PDE8B: variants seen among roughly 807,000 people sequenced by gnomAD.
PDE8B encodes phosphodiesterase 8B.
A neutral mutation model predicts 101.3 loss-of-function variants in PDE8B; 26 were observed. That is an observed-to-expected ratio of 0.26 (90% CI 0.19 to 0.36). The LOEUF is 0.36. Ranked by LOEUF, PDE8B falls within the 10% of genes least tolerant of loss-of-function variation. The probability of loss-of-function intolerance (pLI) is 1.00; values close to 1 mark genes in which losing one functional copy is unlikely to be tolerated. For synonymous variants in PDE8B, 424 were observed against 429.3 expected, an observed-to-expected ratio of 0.99 and a Z score of 0.15; for missense variants, 810 against 1,163.1, an observed-to-expected ratio of 0.70 and a Z score of 4.42.
chr5:77,131,736 G>A, the PDE8B span, among the ~76,000 whole-genome samples: 1 of 152,074 alleles, frequency 6.6e-6, no homozygotes, highest in Admixed American at 6.5e-5. Context: ...TCACATAAGG[G>A]GAAATATGAT....
chr5:77,116,918 C>T, the PDE8B span, among the ~76,000 whole-genome samples: 1 of 152,194 alleles, frequency 6.6e-6, no homozygotes, highest in Non-Finnish European at 1.5e-5. Flanking sequence ...AAAAGCATTT[C>T]TTCTCTCACC....
chr5:77,229,002 C>T (rs903305335), intron 1 of PDE8B, among the ~76,000 whole-genome samples: 4 of 151,914 alleles, frequency 2.6e-5, no homozygotes, highest in Admixed American at 2.6e-4. Context: ...CAGGTTTTGG[C>T]AGAACATTCT....
At chr5:77,312,828 T>C (rs1025727467) in intron 2 of PDE8B, among the ~76,000 whole-genome samples, 4 of 152,204 alleles carry the variant, frequency 2.6e-5, no homozygotes, top group African/African-American at 9.7e-5. Flanking sequence ...CTACATCTTC[T>C]ATGTGACTTA....
intron 11 of PDE8B, among the ~76,000 whole-genome samples, chr5:77,402,283 A>T (rs2151016652): frequency 6.6e-6 from 1 of 152,052 alleles, no homozygotes; most frequent in East Asian, 1.9e-4. Context: ...AGAAACTTAT[A>T]TGCAAGGATA....
intron 6 of PDE8B, among the ~76,000 whole-genome samples, chr5:77,338,617 C>G (rs1390689355): frequency 6.6e-6 from 1 of 152,100 alleles, no homozygotes; most frequent in Non-Finnish European, 1.5e-5. Flanking sequence ...TCTAGAAACC[C>G]ATGTTGCCTG....
intron 1 of PDE8B, among the ~76,000 whole-genome samples, chr5:77,251,521 T>C (rs1312352856): frequency 6.6e-6 from 1 of 152,238 alleles, no homozygotes; most frequent in African/African-American, 2.4e-5. Flanking sequence ...GCCCAATTGC[T>C]TGGGAATTGT....
the PDE8B span, among the ~76,000 whole-genome samples, chr5:77,160,293 C>T: frequency 1.3e-5 from 2 of 152,100 alleles, no homozygotes; most frequent in African/African-American, 4.8e-5. Context: ...TCTCAGCATG[C>T]ATTGGGGATT....
At chr5:77,125,721 A>T in the PDE8B span, among the ~76,000 whole-genome samples, 1 of 152,212 alleles carries the variant, frequency 6.6e-6, no homozygotes, top group Non-Finnish European at 1.5e-5. Context: ...AAAATATTGT[A>T]TGATTCCATT....
chr5:77,272,982 C>T (rs1054259133), intron 1 of PDE8B, among the ~76,000 whole-genome samples: 30 of 152,114 alleles, frequency 2.0e-4, no homozygotes, highest in African/African-American at 6.5e-4. Flanking sequence ...CTAATTGCTA[C>T]GACGTCAGTT....
At chr5:77,371,444 C>T (rs1210075553) in intron 10 of PDE8B, among the ~76,000 whole-genome samples, 3 of 152,154 alleles carry the variant, frequency 2.0e-5, no homozygotes, top group Admixed American at 2.0e-4. Context: ...TTTCTGGACT[C>T]TGTTCTTTGC....
Position 77,330,632 on chromosome 5 carries a change from C to G in PDE8B, c.651-770C>G, listed in dbSNP as rs146458361. ...CAAGTCAGCACTGGGACTTCTGTTC[C>G]TGTTTTCTATCTGCGTTTCCACCCA... is the stretch of plus-strand genomic sequence containing the variant. On this transcript the variant is annotated intron_variant, in intron 4 of 21. Coordinates refer to ENST00000264917, the MANE Select transcript of PDE8B (RefSeq NM_003719.5). 2.8e-3 allele frequency among the ~76,000 whole-genome samples: 433 copies of G among 152,298 alleles called. 2 individuals carry two copies. Among genetic ancestry groups the G allele is most frequent in the African/African-American group, 9.8e-3 (409 of 41,570 alleles).
At chr5:77,289,168 T>G (rs568451118) in intron 1 of PDE8B, among the ~76,000 whole-genome samples, 2 of 152,308 alleles carry the variant, frequency 1.3e-5, no homozygotes, top group African/African-American at 4.8e-5. Flanking sequence ...CCTGGGAATA[T>G]TATATCAGAT....
At chr5:77,087,449 C>A in the PDE8B span, 2 of 152,228 alleles carry the variant, frequency 1.3e-5, no homozygotes, top group African/African-American at 4.8e-5. Flanking sequence ...CCTGAATTCC[C>A]GGGCCTGAGT....
intron 1 of PDE8B, among the ~76,000 whole-genome samples, chr5:77,259,411 C>A (rs1392000135): frequency 1.3e-5 from 2 of 152,152 alleles, no homozygotes; most frequent in Non-Finnish European, 2.9e-5. Flanking sequence ...GCTCCCATCT[C>A]TGTGGTACAT....
intron 2 of PDE8B, among the ~76,000 whole-genome samples, chr5:77,313,496 A>G (rs1043042593): frequency 2.6e-5 from 4 of 152,170 alleles, no homozygotes; most frequent in Admixed American, 1.3e-4. Flanking sequence ...CATTGATATC[A>G]AGGACTTATT....
chr5:77,354,587 G>A (rs375400226), intron 10 of PDE8B, among the ~76,000 whole-genome samples: 4 of 152,268 alleles, frequency 2.6e-5, no homozygotes, highest in East Asian at 3.9e-4. Context: ...TGTCTCTTTC[G>A]AGACAAACTT....
chr5:77,219,737 C>T lies in PDE8B; in HGVS notation c.339+8473C>T, dbSNP rs77396918. ...TAAAAAATGGATTGACAGTCTTGGC[C>T]GAGAAATGGGGTCTCTGCAAGGAAA... is the stretch of plus-strand genomic sequence containing the variant. On this transcript the variant is annotated intron_variant, in intron 1 of 21. Transcript: ENST00000264917. Among the ~76,000 whole-genome samples the T allele has an allele frequency of 9.6e-3, 1,457 of 152,254 alleles. 62 individuals carry two copies. In the East Asian group the frequency reaches 0.12, roughly 12 times the overall value.
intron 2 of PDE8B, among the ~76,000 whole-genome samples, chr5:77,313,201 C>G (rs1580975047): frequency 6.6e-6 from 1 of 151,598 alleles, no homozygotes; most frequent in African/African-American, 2.4e-5. Flanking sequence ...AGTGAAAAAC[C>G]AAGCAAGGAA....
chr5:77,394,249 A>G (rs889478024), intron 10 of PDE8B, among the ~76,000 whole-genome samples: 9 of 152,184 alleles, frequency 5.9e-5, no homozygotes, highest in Non-Finnish European at 1.2e-4. Flanking sequence ...AGCAGCTCTT[A>G]GTCAGGTGAG....
Sources: allele counts gnomAD v4.1 joint callset (sites outside exome capture counted in the v4.1 genomes callset), GRCh38; gene constraint gnomAD v4.1.1; transcripts MANE v1.5; gene names NCBI Gene and HGNC (gene_info 2026-07-23, HGNC 2026-07-21).